MAP2K4: variants seen among roughly 807,000 people sequenced by gnomAD.
The protein encoded by MAP2K4 is mitogen-activated protein kinase kinase 4.
Under a neutral mutation model 48.5 loss-of-function variants are expected in MAP2K4, and 4 were observed. The observed-to-expected ratio is 0.08, with a 90% CI of 0.04 to 0.19. The LOEUF (loss-of-function observed/expected upper bound fraction) is 0.19. Ranked by LOEUF, MAP2K4 falls within the 10% of genes least tolerant of loss-of-function variation. The pLI, the probability that MAP2K4 is intolerant of heterozygous loss-of-function variation, is 1.00. For missense variants in MAP2K4, 258 were observed against 493.3 expected (o/e 0.52, Z 4.52); for synonymous variants, 166 against 173.1 (o/e 0.96, Z 0.32).
chr17:12,060,277 C>T (rs549470553), intron 2 of MAP2K4, among the ~76,000 whole-genome samples: 2 of 152,278 alleles, frequency 1.3e-5, no homozygotes, highest in South Asian at 4.1e-4. Flanking sequence ...GACTTTATCA[C>T]TTAATTCTGC....
Position 12,065,390 on chromosome 17 carries a change from C to G in MAP2K4, c.218+10399C>G, listed in dbSNP as rs904174318. 1.8e-3 allele frequency among the ~76,000 whole-genome samples: 276 copies of G among 151,004 alleles called. 2 individuals are homozygous for G. The highest frequency in any genetic ancestry group is 6.2e-3 in the African/African-American group (254 of 41,226). ...CTCGGCTCACTGCAACCTCCGCCTA[C>G]TGGGTTGAAGTGATTCTCCTGCCTC... is the stretch of plus-strand genomic sequence containing the variant. On this transcript the variant is annotated intron_variant, in intron 2 of 10. Coordinates refer to ENST00000353533, the MANE Select transcript of MAP2K4 (RefSeq NM_003010.4).
At chr17:12,138,867 A>T (rs1474809659) in intron 9 of MAP2K4, among the ~76,000 whole-genome samples, 1 of 152,122 alleles carries the variant, frequency 6.6e-6, no homozygotes, top group African/African-American at 2.4e-5. Context: ...TTGGATTTTT[A>T]TTCACTTTTG....
intron 4 of MAP2K4, among the ~76,000 whole-genome samples, chr17:12,103,997 T>A (rs998316233): frequency 1.3e-4 from 20 of 152,210 alleles, no homozygotes; most frequent in African/African-American, 4.1e-4. Flanking sequence ...CATGTCTCTT[T>A]GACAACTTAG....
At chr17:12,070,941 G>C (rs973502891) in intron 2 of MAP2K4, among the ~76,000 whole-genome samples, 3 of 152,230 alleles carry the variant, frequency 2.0e-5, no homozygotes, top group African/African-American at 7.2e-5. Flanking sequence ...CCAGAAATCT[G>C]AAGGTGTTGG....
chr17:12,115,958 T>A, intron 7 of MAP2K4: 1 of 436,928 alleles, frequency 2.3e-6, no homozygotes, highest in East Asian at 5.3e-5. Context: ...TTGAGTGAAC[T>A]CTTTTCTCGT....
At chr17:12,086,490 G>C (rs564218445) in intron 3 of MAP2K4, among the ~76,000 whole-genome samples, 1 of 152,232 alleles carries the variant, frequency 6.6e-6, no homozygotes, top group African/African-American at 2.4e-5. Flanking sequence ...ATGTTTTTCA[G>C]ACTGTGAGTT....
intron 8 of MAP2K4, among the ~76,000 whole-genome samples, chr17:12,127,405 A>C (rs1323377919): frequency 1.3e-5 from 2 of 152,246 alleles, no homozygotes; most frequent in Admixed American, 1.3e-4. Context: ...ATTCAGAAAT[A>C]CTTATCTATG....
chr17:12,141,453 A>G lies in MAP2K4; in HGVS notation c.*193A>G. On this transcript the variant is annotated 3_prime_UTR_variant, in exon 11 of 11. Transcript: ENST00000353533. The stretch of plus-strand genomic sequence containing the variant: ...CCTTGTAATACCTGATTGATCACAC[A>G]GTGTTAGTGCTGGTCAGAGAGACCT... The G allele has an allele frequency of 3.3e-6, 2 of 606,044 alleles. No homozygotes were observed. Among genetic ancestry groups the G allele is most frequent in the Non-Finnish European group, 5.9e-6 (2 of 338,480 alleles). 37.5% of individuals were successfully genotyped at this position (606,044 alleles called of 1,614,324 possible).
At chr17:12,085,760 G>A (rs1225641665) in intron 3 of MAP2K4, among the ~76,000 whole-genome samples, 1 of 152,080 alleles carries the variant, frequency 6.6e-6, no homozygotes, top group Non-Finnish European at 1.5e-5. Context: ...TCTGCTGACA[G>A]TATCAGCAGC....
intron 4 of MAP2K4, 117 bp downstream of exon 4, chr17:12,095,811 AT>A (rs1971718738): frequency 1.6e-6 from 2 of 1,217,838 alleles, no homozygotes; most frequent in Non-Finnish European, 2.3e-6. Context: ...ATATCTCAGT[AT>A]CTTAGTGTTT....
intron 2 of MAP2K4, among the ~76,000 whole-genome samples, chr17:12,078,833 T>C (rs962829654): frequency 6.6e-6 from 1 of 152,158 alleles, no homozygotes; most frequent in Admixed American, 6.6e-5. Flanking sequence ...AGTCCAGTGC[T>C]GTATCTGTGT....
intron 2 of MAP2K4, among the ~76,000 whole-genome samples, chr17:12,055,794 A>T (rs1252368501): frequency 6.6e-6 from 1 of 152,126 alleles, no homozygotes; most frequent in Non-Finnish European, 1.5e-5. Context: ...CTTGCAAAAG[A>T]GATGCTTAAA....
At chr17:12,070,115 G>A (rs1208256813) in intron 2 of MAP2K4, among the ~76,000 whole-genome samples, 4 of 151,226 alleles carry the variant, frequency 2.6e-5, no homozygotes, top group African/African-American at 9.7e-5. Flanking sequence ...GTAGAAGAAT[G>A]TGATAGTGAA....
intron 1 of MAP2K4, among the ~76,000 whole-genome samples, chr17:12,035,276 G>A (rs371249597): frequency 2.0e-5 from 3 of 152,146 alleles, no homozygotes; most frequent in South Asian, 4.1e-4. Context: ...CCAGCACTTC[G>A]GGAGGCCACG....
intron 1 of MAP2K4, among the ~76,000 whole-genome samples, chr17:12,046,699 G>A (rs73300450): frequency 6.6e-6 from 1 of 152,162 alleles, no homozygotes; most frequent in East Asian, 1.9e-4. Context: ...TTGGTGGTTA[G>A]CTGAATCAGA....
chr17:12,115,090 C>G (rs149581097), intron 7 of MAP2K4, among the ~76,000 whole-genome samples: 2 of 152,180 alleles, frequency 1.3e-5, no homozygotes, highest in Non-Finnish European at 2.9e-5. Flanking sequence ...GGAGGTATAT[C>G]ATTTTATTTG....
chr17:12,047,316 A>G (rs1460011845), intron 1 of MAP2K4, among the ~76,000 whole-genome samples: 4 of 152,200 alleles, frequency 2.6e-5, no homozygotes, highest in Non-Finnish European at 2.9e-5. Context: ...ATAATTGATA[A>G]TAAAGCTGGA....
chr17:12,109,894 G>A (rs902045162), intron 5 of MAP2K4, among the ~76,000 whole-genome samples: 3 of 151,910 alleles, frequency 2.0e-5, no homozygotes, highest in Admixed American at 6.6e-5. Flanking sequence ...TTGAGAGGCC[G>A]AGGCAGAAGG....
intron 1 of MAP2K4, among the ~76,000 whole-genome samples, chr17:12,031,730 A>C (rs1461718994): frequency 3.9e-5 from 6 of 152,210 alleles, no homozygotes; most frequent in African/African-American, 1.4e-4. Flanking sequence ...CTATTTTAGA[A>C]GAATTTCAGC....
Sources: allele counts gnomAD v4.1 joint callset (sites outside exome capture counted in the v4.1 genomes callset), GRCh38; gene constraint gnomAD v4.1.1; transcripts MANE v1.5; gene names NCBI Gene and HGNC (gene_info 2026-07-23, HGNC 2026-07-21).